The following CRACDL variants were observed in gnomAD, a reference collection of about 807,000 sequenced individuals.
CRACDL encodes the protein CRACD like.
CRACDL carries 26 observed loss-of-function variants against 70.6 expected under a neutral mutation model. That is an observed-to-expected ratio of 0.37 (90% CI 0.27 to 0.51). The LOEUF (loss-of-function observed/expected upper bound fraction) is 0.51. Ranked by LOEUF, CRACDL falls within the 20% of genes least tolerant of loss-of-function variation. CRACDL has a pLI of 0.94. For missense variants in CRACDL, 1,283 were observed against 1,376.9 expected (o/e 0.93, Z 1.08); for synonymous variants, 618 against 615.2 (o/e 1.00, Z -0.07).
chr2:98,832,917 C>G lies in CRACDL; in HGVS notation c.320G>C (p.Arg107Pro), dbSNP rs747324764. Residue 107 changes from arginine to proline, a missense_variant, in exon 4 of 10, where the codon CGG (arginine) becomes CCG (proline). Physicochemically the swap from Arg to Pro is moderately radical, Grantham distance 103. Around this residue, in one of 2 missense-constraint regions of CRACDL, gnomAD observed 362 missense variants for 495.0 expected, o/e 0.73. Coordinates refer to ENST00000397899, the MANE Select transcript of CRACDL (RefSeq NM_207362.3). Reference protein sequence around the residue: ...FIPESGQDATRPVRVFSQENV... With the variant: ...FIPESGQDATPPVRVFSQENV... ...TTCTTGGGAAAACACCCGCACAGGC[C>G]GAGTAGCGTCCTGTCCGGACTCAGG... The G allele has an allele frequency of 2.5e-6, 4 of 1,614,168 alleles. No individual in the cohort carries two copies. Among genetic ancestry groups the G allele is most frequent in the Non-Finnish European group, 3.4e-6 (4 of 1,180,012 alleles).
Position 98,818,175 on chromosome 2 carries a change from G to A in CRACDL, c.2416+3682C>T, listed in dbSNP as rs76729521. The stretch of plus-strand genomic sequence containing the variant: ...TAACCCTGGGCCATTTACTTCCTAC[G>A]ACAGATCAGCAAATTATGAACCAGG... On this transcript the variant is annotated intron_variant, in intron 7 of 9. Coordinates refer to ENST00000397899, the MANE Select transcript of CRACDL (RefSeq NM_207362.3). Among the ~76,000 whole-genome samples, 478 of 152,194 alleles carry A rather than the reference G, an allele frequency of 3.1e-3. 1 individual carries two copies. The highest frequency in any genetic ancestry group is 0.011 in the African/African-American group (461 of 41,538).
intron 1 of CRACDL, among the ~76,000 whole-genome samples, chr2:98,934,550 C>G (rs1253036503): frequency 3.3e-5 from 5 of 152,138 alleles, no homozygotes; most frequent in Non-Finnish European, 5.9e-5. Context: ...CTCAGCAGGA[C>G]AGCCACCCGT....
At chr2:98,862,159 A>G (rs1706964927) in intron 1 of CRACDL, among the ~76,000 whole-genome samples, 1 of 152,212 alleles carries the variant, frequency 6.6e-6, no homozygotes, top group Non-Finnish European at 1.5e-5. Context: ...TTAGAAAGTC[A>G]CCATGCATGC....
intron 1 of CRACDL, among the ~76,000 whole-genome samples, chr2:98,868,483 C>T (rs999614300): frequency 2.0e-5 from 3 of 152,338 alleles, no homozygotes; most frequent in East Asian, 1.9e-4. Flanking sequence ...CTCTGCACCA[C>T]GGTGCACAGA....
chr2:98,838,364 TAA>T (rs1705885465), intron 2 of CRACDL, 77 bp from the exon 3 acceptor site: 3 of 785,106 alleles, frequency 3.8e-6, no homozygotes, highest in Non-Finnish European at 5.8e-6. Flanking sequence ...AACAGGCACG[TAA>T]AAGAGAGAAA....
chr2:98,869,335 T>G, intron 1 of CRACDL: 1 of 1,150,364 alleles, frequency 8.7e-7, no homozygotes, highest in African/African-American at 1.6e-5. Flanking sequence ...CGTGAGCTCC[T>G]TGGGCGGGTG....
At chr2:98,922,467 A>G (rs931088892) in intron 1 of CRACDL, among the ~76,000 whole-genome samples, 5 of 152,160 alleles carry the variant, frequency 3.3e-5, no homozygotes, top group African/African-American at 9.6e-5. Flanking sequence ...AAAAAGAAAA[A>G]AGAAAGAAAA....
intron 7 of CRACDL, among the ~76,000 whole-genome samples, chr2:98,808,882 G>C (rs1219136533): frequency 6.6e-6 from 1 of 152,190 alleles, no homozygotes; most frequent in Non-Finnish European, 1.5e-5. Flanking sequence ...GCAGCTGCAG[G>C]GGATGGGCGG....
At chr2:98,857,299 A>T (rs1706737037) in intron 1 of CRACDL, among the ~76,000 whole-genome samples, 1 of 152,226 alleles carries the variant, frequency 6.6e-6, no homozygotes, top group African/African-American at 2.4e-5. Flanking sequence ...AGACTCTATG[A>T]ATATATTTTT....
chr2:98,862,741 A>G (rs1318546050), intron 1 of CRACDL, among the ~76,000 whole-genome samples: 3 of 152,148 alleles, frequency 2.0e-5, no homozygotes, highest in Non-Finnish European at 2.9e-5. Context: ...AGTCTAAGGA[A>G]CAGAAAAAAA....
intron 1 of CRACDL, among the ~76,000 whole-genome samples, chr2:98,868,206 GA>G (rs1402805233): frequency 6.6e-6 from 1 of 152,178 alleles, no homozygotes; most frequent in East Asian, 1.9e-4. Flanking sequence ...TGTAACAAAC[GA>G]AAGTGAGGCT....
At position 98,796,304 on chromosome 2, in the gene CRACDL, A is replaced by C. The variant is rs1703820779; in HGVS notation, c.2605-40T>G. 8.1e-6 allele frequency: 13 copies of C among 1,597,458 alleles called. No individual in the cohort carries two copies. In the East Asian group the frequency reaches 2.9e-4, roughly 36 times the overall value. The stretch of plus-strand genomic sequence containing the variant: ...GACACATGCTGCCAAGTTAACAATG[A>C]TTCAGACAGGGGCAAACACATCCAA... On this transcript the variant is annotated intron_variant, in intron 8 of 9. Coordinates refer to ENST00000397899, the MANE Select transcript of CRACDL (RefSeq NM_207362.3).
intron 1 of CRACDL, among the ~76,000 whole-genome samples, chr2:98,907,525 C>T (rs1708444383): frequency 6.6e-6 from 1 of 152,186 alleles, no homozygotes; most frequent in Non-Finnish European, 1.5e-5. Flanking sequence ...CAGAACCCTC[C>T]TCTCCACTAC....
intron 4 of CRACDL, 112 bp from the exon 5 acceptor site, chr2:98,832,624 G>A (rs1575364150): frequency 9.0e-7 from 1 of 1,110,794 alleles, no homozygotes; most frequent in Non-Finnish European, 1.3e-6. Flanking sequence ...TTGGTGTGGT[G>A]CAGAGAACTG....
chr2:98,869,151 T>A, intron 1 of CRACDL: 2 of 1,304,338 alleles, frequency 1.5e-6, no homozygotes, highest in Non-Finnish European at 2.0e-6. Flanking sequence ...AGCTCTCTCA[T>A]CCTCCTGGAA....
chr2:98,881,399 T>C (rs1707647434), intron 1 of CRACDL, among the ~76,000 whole-genome samples: 1 of 152,204 alleles, frequency 6.6e-6, no homozygotes, highest in African/African-American at 2.4e-5. Flanking sequence ...ACATTCAAGC[T>C]TGAGAAGCAC....
At chr2:98,821,044 A>T (rs1268977505) in intron 7 of CRACDL, among the ~76,000 whole-genome samples, 1 of 152,178 alleles carries the variant, frequency 6.6e-6, no homozygotes. Flanking sequence ...CAAAAGTGGG[A>T]GAAGAATTTG....
intron 5 of CRACDL, among the ~76,000 whole-genome samples, chr2:98,827,483 G>A (rs576075310): frequency 6.6e-6 from 1 of 152,136 alleles, no homozygotes; most frequent in Non-Finnish European, 1.5e-5. Context: ...GTAGAGACAG[G>A]GTTTCACCAT....
At chr2:98,795,973 C>G in intron 9 of CRACDL, 147 bp downstream of exon 9, 2 of 747,812 alleles carry the variant, frequency 2.7e-6, no homozygotes, top group South Asian at 1.6e-5. Context: ...AGTTTTATGA[C>G]ACGTAAATTG....
Sources: gnomAD v4.1 joint callset for allele counts (sites outside exome capture counted in the v4.1 genomes callset) on GRCh38, gnomAD v4.1.1 for gene constraint, gnomAD v4.1.1 regional missense constraint, MANE v1.5 for transcripts, NCBI Gene and HGNC (gene_info 2026-07-23, HGNC 2026-07-21) for gene names.